NRG3: variants seen among roughly 807,000 people sequenced by gnomAD.
NRG3 encodes neuregulin 3, also known as pro-neuregulin-3, membrane-bound isoform.
A neutral mutation model predicts 66.9 loss-of-function variants in NRG3; 31 were observed. The observed-to-expected ratio is 0.46, with a 90% CI of 0.35 to 0.63. The LOEUF is 0.63. NRG3 is among the 20% of genes least tolerant of loss of function. The probability of loss-of-function intolerance (pLI) is 0.00; values close to 1 mark genes in which losing one functional copy is unlikely to be tolerated. For missense variants in NRG3, 910 were observed against 878.9 expected (o/e 1.04, Z -0.45); for synonymous variants, 393 against 359.4 (o/e 1.09, Z -1.06).
At chr10:81,979,701 C>G (rs536546839) in intron 1 of NRG3, among the ~76,000 whole-genome samples, 1 of 152,182 alleles carries the variant, frequency 6.6e-6, no homozygotes, top group Non-Finnish European at 1.5e-5. Flanking sequence ...CATACGGACT[C>G]ACATGCATGC....
At chr10:82,282,085 A>G (rs2134453154) in intron 1 of NRG3, among the ~76,000 whole-genome samples, 1 of 152,156 alleles carries the variant, frequency 6.6e-6, no homozygotes, top group South Asian at 2.1e-4. Context: ...AGAAATGTAA[A>G]TCAGGAGCAG....
At chr10:82,701,791 G>A (rs1320790345) in intron 2 of NRG3, among the ~76,000 whole-genome samples, 2 of 152,120 alleles carry the variant, frequency 1.3e-5, no homozygotes, top group African/African-American at 4.8e-5. Context: ...CCAATTTGCA[G>A]ATATTAACTT....
At chr10:82,654,719 T>G (rs549573821) in intron 2 of NRG3, among the ~76,000 whole-genome samples, 39 of 152,276 alleles carry the variant, frequency 2.6e-4, no homozygotes, top group African/African-American at 8.9e-4. Context: ...TTTCCAAGGA[T>G]TTCAGAATCT....
At chr10:82,845,953 C>T (rs2063290554) in intron 3 of NRG3, among the ~76,000 whole-genome samples, 1 of 152,068 alleles carries the variant, frequency 6.6e-6, no homozygotes, top group African/African-American at 2.4e-5. Context: ...ACATACAGCT[C>T]ATAGAATTTG....
At chr10:82,358,638 C>T (rs757953700) in intron 1 of NRG3, 101 bp from the exon 2 acceptor site, 1 of 1,523,310 alleles carries the variant, frequency 6.6e-7, no homozygotes, top group African/African-American at 1.4e-5. Context: ...AGGTCAGAGC[C>T]CATGAGAAGG....
chr10:82,473,218 T>C (rs949224082), intron 2 of NRG3, among the ~76,000 whole-genome samples: 2 of 152,160 alleles, frequency 1.3e-5, no homozygotes, highest in African/African-American at 4.8e-5. Flanking sequence ...GGAGTGCCTA[T>C]TCAGAACCAC....
intron 1 of NRG3, among the ~76,000 whole-genome samples, chr10:82,286,131 T>A (rs1462338075): frequency 6.6e-6 from 1 of 151,766 alleles, no homozygotes; most frequent in Non-Finnish European, 1.5e-5. Flanking sequence ...CCAATGGGGG[T>A]GAGGAGCGCA....
At chr10:82,154,185 C>G (rs1201286923) in intron 1 of NRG3, among the ~76,000 whole-genome samples, 1 of 151,998 alleles carries the variant, frequency 6.6e-6, no homozygotes, top group East Asian at 1.9e-4. Context: ...ACATTTTCTT[C>G]TAGTCATTTT....
intron 1 of NRG3, among the ~76,000 whole-genome samples, chr10:82,256,639 T>A (rs542596217): frequency 6.6e-6 from 1 of 152,218 alleles, no homozygotes; most frequent in Non-Finnish European, 1.5e-5. Context: ...AAAATTCAGA[T>A]TTATTTTCCT....
chr10:82,670,711 G>T (rs905029719), intron 2 of NRG3, among the ~76,000 whole-genome samples: 1 of 151,910 alleles, frequency 6.6e-6, no homozygotes, highest in Non-Finnish European at 1.5e-5. Context: ...ACATTTTCTT[G>T]GCTCTCTTCA....
chr10:82,821,079 T>C (rs963842920), intron 3 of NRG3, among the ~76,000 whole-genome samples: 2 of 152,208 alleles, frequency 1.3e-5, no homozygotes, highest in African/African-American at 4.8e-5. Context: ...TATTTACTTC[T>C]TATTTCTTTT....
intron 4 of NRG3, among the ~76,000 whole-genome samples, chr10:82,903,471 A>G (rs992550158): frequency 1.3e-5 from 2 of 152,174 alleles, no homozygotes; most frequent in Non-Finnish European, 2.9e-5. Context: ...CCCAAGAAGC[A>G]GAGAAAAGTC....
At chr10:82,970,392 T>A (rs1851613289) in intron 6 of NRG3, among the ~76,000 whole-genome samples, 1 of 152,164 alleles carries the variant, frequency 6.6e-6, no homozygotes, top group South Asian at 2.1e-4. Flanking sequence ...CTCTAACTCC[T>A]GGGCTCAAAT....
At chr10:82,710,136 C>G (rs894074993) in intron 2 of NRG3, among the ~76,000 whole-genome samples, 1 of 152,218 alleles carries the variant, frequency 6.6e-6, no homozygotes, top group Non-Finnish European at 1.5e-5. Context: ...TAACATCTTG[C>G]ACTTCTGCAC....
At chr10:82,843,665 G>A (rs1032941148) in intron 3 of NRG3, among the ~76,000 whole-genome samples, 1 of 152,128 alleles carries the variant, frequency 6.6e-6, no homozygotes, top group Non-Finnish European at 1.5e-5. Context: ...GCAAAGCACA[G>A]CTATCTACTG....
intron 1 of NRG3, among the ~76,000 whole-genome samples, chr10:82,231,114 G>A (rs571771127): frequency 1.3e-5 from 2 of 152,228 alleles, no homozygotes; most frequent in East Asian, 1.9e-4. Context: ...AGGCCGAGGA[G>A]GGTGGATCAC....
At chr10:82,065,354 G>T (rs1363454414) in intron 1 of NRG3, among the ~76,000 whole-genome samples, 1 of 152,210 alleles carries the variant, frequency 6.6e-6, no homozygotes, top group African/African-American at 2.4e-5. Flanking sequence ...TGTATAAATA[G>T]AGTGGGGTTT....
intron 1 of NRG3, among the ~76,000 whole-genome samples, chr10:82,000,249 T>A (rs1263684668): frequency 6.6e-6 from 1 of 152,238 alleles, no homozygotes; most frequent in East Asian, 1.9e-4. Context: ...CATTTTTGAA[T>A]TGATCCTTCC....
intron 2 of NRG3, among the ~76,000 whole-genome samples, chr10:82,704,912 A>G (rs2056171947): frequency 6.6e-6 from 1 of 152,222 alleles, no homozygotes; most frequent in African/African-American, 2.4e-5. Flanking sequence ...TGCTCAGAAT[A>G]TTACATCAAG....
Sources: gnomAD v4.1 joint callset for allele counts (sites outside exome capture counted in the v4.1 genomes callset) on GRCh38, gnomAD v4.1.1 for gene constraint, MANE v1.5 for transcripts, NCBI Gene and HGNC (gene_info 2026-07-23, HGNC 2026-07-21) for gene names.